SCNN1B: variants seen among roughly 807,000 people sequenced by gnomAD.
SCNN1B encodes the protein sodium channel epithelial 1 subunit beta, also known as epithelial sodium channel subunit beta.
SCNN1B carries 46 observed loss-of-function variants against 65.3 expected under a neutral mutation model. The observed-to-expected ratio is 0.70, with a 90% confidence interval of 0.56 to 0.90. SCNN1B has a LOEUF of 0.90. SCNN1B is among the 40% of genes least tolerant of loss of function. The pLI is 0.00. For missense variants in SCNN1B, 751 were observed against 830.5 expected (o/e 0.90, Z 1.18); for synonymous variants, 349 against 330.6 (o/e 1.06, Z -0.60).
intron 1 of SCNN1B, among the ~76,000 whole-genome samples, chr16:23,305,554 A>AT (rs1555483381): frequency 5.2e-5 from 2 of 38,818 alleles, no homozygotes; most frequent in African/African-American, 6.5e-4. Flanking sequence ...ATATATATAT[A>AT]TATATATATA....
chr16:23,290,772 C>T (rs913694605), intron 2 of SCNN1B, among the ~76,000 whole-genome samples: 1 of 152,200 alleles, frequency 6.6e-6, no homozygotes, highest in Non-Finnish European at 1.5e-5. Flanking sequence ...TTTTAGTAGA[C>T]CAAACCTAGT....
chr16:23,291,778 A>G (rs901512708), intron 2 of SCNN1B, among the ~76,000 whole-genome samples: 1 of 146,404 alleles, frequency 6.8e-6, no homozygotes, highest in Non-Finnish European at 1.5e-5. Context: ...ACGGGGTTTC[A>G]CCATGTTGCC....
upstream of SCNN1B, among the ~76,000 whole-genome samples, chr16:23,302,021 G>C (rs1057339591): frequency 6.6e-6 from 1 of 152,160 alleles, no homozygotes; most frequent in African/African-American, 2.4e-5. Flanking sequence ...GATATGTACT[G>C]AGGGGACGTG....
At chr16:23,370,477 G>A (rs1286441673) in intron 5 of SCNN1B, among the ~76,000 whole-genome samples, 1 of 152,142 alleles carries the variant, frequency 6.6e-6, no homozygotes, top group Non-Finnish European at 1.5e-5. Flanking sequence ...AGCCCTTATT[G>A]TCCTAACCAG....
At chr16:23,346,378 C>A (rs1487836446) in intron 1 of SCNN1B, among the ~76,000 whole-genome samples, 1 of 151,506 alleles carries the variant, frequency 6.6e-6, no homozygotes, top group Non-Finnish European at 1.5e-5. Context: ...CAAGGGCCCG[C>A]CACCAGCTAA....
chr16:23,358,885 C>T (rs891457080), intron 4 of SCNN1B, among the ~76,000 whole-genome samples: 65 of 152,322 alleles, frequency 4.3e-4, no homozygotes, highest in African/African-American at 1.4e-3. Flanking sequence ...CCCGCCTGGG[C>T]GACAGGGGGA....
chr16:23,303,886 T>C, intron 1 of SCNN1B: 1 of 666,650 alleles, frequency 1.5e-6, no homozygotes, highest in Admixed American at 2.1e-5. Context: ...ACCATTGCAC[T>C]CTAGCCTGAG....
rs766204097 is a variant in SCNN1B, at chr16:23,352,935, C to T, written c.446C>T (p.Pro149Leu). The T allele has an allele frequency of 5.0e-6, 8 of 1,614,010 alleles. No homozygotes were observed. The African/African-American group carries it at 9.3e-5, about 19-fold the overall frequency. Residue 149 changes from proline to leucine, a missense_variant, in exon 3 of 13, where the codon CCC (proline) becomes CTC (leucine). Physicochemically the swap from Pro to Leu is moderately conservative, Grantham distance 98. Transcript: ENST00000343070. ...AACTTCTCCATCTGGAACCACACACCCCTGGTCCTTATTGATGAACGGAAC... is the reference window on the plus strand; with the variant it reads ...AACTTCTCCATCTGGAACCACACACTCCTGGTCCTTATTGATGAACGGAAC... ...NLNFSIWNHTPLVLIDERNPH... is the reference protein window; with the variant it reads ...NLNFSIWNHTLLVLIDERNPH...
chr16:23,317,704 G>A (rs1306397824), intron 1 of SCNN1B, among the ~76,000 whole-genome samples: 1 of 152,116 alleles, frequency 6.6e-6, no homozygotes, highest in Non-Finnish European at 1.5e-5. Flanking sequence ...TTCCTTGTGG[G>A]CTCATCTCCC....
chr16:23,363,058 G>A (rs1175381453), intron 4 of SCNN1B, among the ~76,000 whole-genome samples: 2 of 152,146 alleles, frequency 1.3e-5, no homozygotes, highest in Admixed American at 1.3e-4. Context: ...CCTCCTCCAG[G>A]AAACCTTCCC....
chr16:23,302,720 A>C (rs1306560545), intron 1 of SCNN1B, among the ~76,000 whole-genome samples: 1 of 152,130 alleles, frequency 6.6e-6, no homozygotes, highest in African/African-American at 2.4e-5. Context: ...AGACGGCGGC[A>C]AAGTCCTGGC....
chr16:23,292,192 C>A (rs555981356), intron 2 of SCNN1B, among the ~76,000 whole-genome samples: 46 of 148,806 alleles, frequency 3.1e-4, no homozygotes, highest in East Asian at 1.4e-3. Flanking sequence ...TTATTTCTTT[C>A]TTTATTTTTT....
intron 1 of SCNN1B, among the ~76,000 whole-genome samples, chr16:23,324,050 T>A (rs549942261): frequency 6.6e-6 from 1 of 152,042 alleles, no homozygotes; most frequent in Admixed American, 6.5e-5. Flanking sequence ...AGGAGGGAGG[T>A]ACTATTGCTG....
chr16:23,301,427 G>C (rs993739569), upstream of SCNN1B, among the ~76,000 whole-genome samples: 1 of 146,190 alleles, frequency 6.8e-6, no homozygotes, highest in Non-Finnish European at 1.5e-5. Context: ...GAGAGAGAGA[G>C]AGAAAGAAAG....
intron 1 of SCNN1B, among the ~76,000 whole-genome samples, chr16:23,303,770 T>A (rs1333441033): frequency 6.7e-6 from 1 of 149,644 alleles, no homozygotes; most frequent in East Asian, 2.0e-4. Context: ...AAAAAAAAAA[T>A]TAGCCGGGCA....
chr16:23,302,943 G>C (rs1961117293), intron 1 of SCNN1B, among the ~76,000 whole-genome samples: 1 of 152,140 alleles, frequency 6.6e-6, no homozygotes, highest in Non-Finnish European at 1.5e-5. Flanking sequence ...CTACGTCCCA[G>C]GAACAAGTTG....
chr16:23,305,326 C>T (rs1368332846), intron 1 of SCNN1B, among the ~76,000 whole-genome samples: 4 of 151,112 alleles, frequency 2.6e-5, no homozygotes, highest in Non-Finnish European at 4.4e-5. Flanking sequence ...TCATATAAGA[C>T]TCCATATTTC....
chr16:23,283,434 T>G (rs1375308943), intron 1 of SCNN1B, among the ~76,000 whole-genome samples: 1 of 152,170 alleles, frequency 6.6e-6, no homozygotes, highest in Non-Finnish European at 1.5e-5. Flanking sequence ...GACACTTACT[T>G]TAGCCTACAA....
At chr16:23,289,739 G>A (rs1466186332) in intron 2 of SCNN1B, among the ~76,000 whole-genome samples, 3 of 144,514 alleles carry the variant, frequency 2.1e-5, no homozygotes, top group South Asian at 2.2e-4. Flanking sequence ...GCAGTGGCAC[G>A]ATCTCGGCTC....
Sources: gnomAD v4.1 joint callset for allele counts (sites outside exome capture counted in the v4.1 genomes callset) on GRCh38, gnomAD v4.1.1 for gene constraint, MANE v1.5 for transcripts, NCBI Gene and HGNC (gene_info 2026-07-23, HGNC 2026-07-21) for gene names.